Variants in ZRANB3 observed in about 807,000 individuals in gnomAD.
The protein encoded by ZRANB3 is zinc finger RANBP2-type containing 3, also known as DNA annealing helicase and endonuclease ZRANB3.
A neutral mutation model predicts 133.8 loss-of-function variants in ZRANB3; 125 were observed. The ratio of observed to expected loss-of-function variants is 0.93; its 90% CI spans 0.81 to 1.08. ZRANB3 has a LOEUF of 1.08. ZRANB3 is among the 50% of genes least tolerant of loss of function. ZRANB3 has a pLI of 0.00. For synonymous variants in ZRANB3, 387 were observed against 432.7 expected (o/e 0.89, Z 1.31); for missense variants, 1,229 against 1,275.5 (o/e 0.96, Z 0.56).
At chr2:135,265,195 C>T (rs772647574) in intron 12 of ZRANB3, among the ~76,000 whole-genome samples, 15 of 152,090 alleles carry the variant, frequency 9.9e-5, no homozygotes, top group African/African-American at 1.2e-4. Flanking sequence ...CCTGTGATTT[C>T]GATATACTCA....
chr2:135,332,250 C>T (rs1684180780), intron 6 of ZRANB3, among the ~76,000 whole-genome samples: 1 of 152,032 alleles, frequency 6.6e-6, no homozygotes, highest in Non-Finnish European at 1.5e-5. Flanking sequence ...CCAAAATCTA[C>T]CTCCCTATTA....
chr2:135,368,727 T>G (rs1463612783), intron 3 of ZRANB3, among the ~76,000 whole-genome samples: 1 of 151,954 alleles, frequency 6.6e-6, no homozygotes, highest in Non-Finnish European at 1.5e-5. Flanking sequence ...TATGCCTGTA[T>G]CAAAATATCT....
chr2:135,462,132 T>A (rs747397478), intron 2 of ZRANB3, among the ~76,000 whole-genome samples: 1 of 152,190 alleles, frequency 6.6e-6, no homozygotes, highest in Non-Finnish European at 1.5e-5. Flanking sequence ...ATATACACAT[T>A]CATACATATA....
chr2:135,306,569 G>C (rs983064244), intron 8 of ZRANB3, among the ~76,000 whole-genome samples: 17 of 147,550 alleles, frequency 1.2e-4, no homozygotes, highest in East Asian at 2.0e-4. Flanking sequence ...TGGGATTACA[G>C]GCATGAGCCA....
Position 135,207,562 on chromosome 2 carries a change from CA to C in ZRANB3, c.2880del (p.Glu961AsnfsTer10). ...NSYLRAKVFE[T>X]EHGVCQLCNV... is the part of the protein sequence containing the mutation. ...TTACAGAGCTGACACACACCATGTT[CA>C]GTTTCAAATACTTTGGCTCTCAGGT... is the stretch of plus-strand genomic sequence containing the variant. On this transcript the variant is annotated frameshift_variant, in exon 19 of 21. Transcript: ENST00000264159. LOFTEE classifies it high-confidence loss of function. 1 of 1,613,998 alleles carries C rather than the reference CA, an allele frequency of 6.2e-7. No homozygotes were observed. Among genetic ancestry groups the C allele is most frequent in the Non-Finnish European group, 8.5e-7 (1 of 1,179,894 alleles).
chr2:135,368,044 T>C (rs893025912), intron 3 of ZRANB3, among the ~76,000 whole-genome samples: 1 of 152,102 alleles, frequency 6.6e-6, no homozygotes, highest in Non-Finnish European at 1.5e-5. Context: ...GCACAGTCTG[T>C]CAATTATTAC....
intron 1 of ZRANB3, among the ~76,000 whole-genome samples, chr2:135,515,079 A>G (rs1366852507): frequency 6.6e-6 from 1 of 152,210 alleles, no homozygotes; most frequent in African/African-American, 2.4e-5. Context: ...TTCATCAGAA[A>G]TAATGGCCAG....
At chr2:135,306,284 ATTT>A (rs146132259) in intron 8 of ZRANB3, among the ~76,000 whole-genome samples, 7 of 123,938 alleles carry the variant, frequency 5.6e-5, no homozygotes, top group East Asian at 2.3e-4. Context: ...CATCTGACTG[ATTT>A]TTTTTTTTTT....
intron 6 of ZRANB3, among the ~76,000 whole-genome samples, chr2:135,321,163 C>A (rs1239664068): frequency 6.6e-6 from 1 of 152,092 alleles, no homozygotes; most frequent in Non-Finnish European, 1.5e-5. Context: ...TACTAAATAC[C>A]CAGCAGTAGG....
chr2:135,269,072 G>A lies in ZRANB3; in HGVS notation c.1276C>T (p.Gln426Ter). 1.2e-6 allele frequency: 2 copies of A among 1,612,868 alleles called. No individual in the cohort carries two copies. Among genetic ancestry groups the A allele is most frequent in the South Asian group, 1.1e-5 (1 of 90,998 alleles). Residue 426 changes from glutamine to a stop codon, truncating the protein, a stop_gained, in exon 11 of 21, where the codon CAA (glutamine) becomes TAA (stop). Coordinates refer to ENST00000264159, the MANE Select transcript of ZRANB3 (RefSeq NM_032143.4). LOFTEE classifies it high-confidence loss of function. ...ELYWDPGHIK[Q>*]AEDRAHRIGQ... ...ATTCTGTGAGCTCGGTCTTCTGCTT[G>A]TTTTATATGTCCAGGGTCCCAGTAC...
intron 2 of ZRANB3, among the ~76,000 whole-genome samples, chr2:135,429,257 C>T (rs1278131140): frequency 1.3e-5 from 2 of 152,036 alleles, no homozygotes; most frequent in Admixed American, 6.6e-5. Context: ...ACCTAGAGAC[C>T]GTTATCCTAA....
intron 1 of ZRANB3, among the ~76,000 whole-genome samples, chr2:135,526,386 A>C (rs1352542059): frequency 2.0e-5 from 3 of 150,980 alleles, no homozygotes; most frequent in Non-Finnish European, 3.0e-5. Flanking sequence ...CTGGTCTTGA[A>C]CTCCTGACCT....
chr2:135,305,772 A>C (rs1234217663), intron 8 of ZRANB3, among the ~76,000 whole-genome samples: 1 of 152,134 alleles, frequency 6.6e-6, no homozygotes, highest in Non-Finnish European at 1.5e-5. Flanking sequence ...TGTTCTAGTG[A>C]TGATAAATTC....
At chr2:135,346,018 A>G (rs1684905262) in intron 5 of ZRANB3, among the ~76,000 whole-genome samples, 2 of 152,224 alleles carry the variant, frequency 1.3e-5, no homozygotes, top group Non-Finnish European at 1.5e-5. Flanking sequence ...ATAGCAACCC[A>G]TTATGATGTA....
intron 3 of ZRANB3, among the ~76,000 whole-genome samples, chr2:135,381,252 G>A (rs901707575): frequency 2.6e-5 from 4 of 152,202 alleles, no homozygotes; most frequent in African/African-American, 9.6e-5. Context: ...CTAGCTGATT[G>A]CTAGCACAGC....
At position 135,382,208 on chromosome 2, in the gene ZRANB3, T is replaced by G. The variant is rs534626674; in HGVS notation, c.180+8594A>C. On this transcript the variant is annotated intron_variant, in intron 3 of 20. Coordinates refer to ENST00000264159, the MANE Select transcript of ZRANB3 (RefSeq NM_032143.4). ...CTACGTGACGAATGCACAAGCTTCA[T>G]TAGCCGATTCGATCAACTGGAAGAA... Among the ~76,000 whole-genome samples the G allele has an allele frequency of 2.2e-4, 33 of 152,208 alleles. No homozygotes were observed. The South Asian group carries it at 5.8e-3, about 27-fold the overall frequency.
intron 12 of ZRANB3, 106 bp from the exon 13 acceptor site, chr2:135,231,033 T>C: frequency 2.0e-6 from 2 of 986,056 alleles, no homozygotes; most frequent in Non-Finnish European, 2.8e-6. Context: ...TGCCTTATCC[T>C]TTAAATACCT....
intron 2 of ZRANB3, among the ~76,000 whole-genome samples, chr2:135,483,208 G>A (rs1226119800): frequency 2.0e-4 from 31 of 151,796 alleles, no homozygotes; most frequent in Admixed American, 2.0e-3. Context: ...GCTCCTCCTT[G>A]TACCTCTGGT....
rs141279611 is a variant in ZRANB3 at position 135,391,423 on chromosome 2, C to T, written c.162-603G>A. 5.9e-5 allele frequency among the ~76,000 whole-genome samples: 9 copies of T among 152,236 alleles called. No homozygotes were observed. The East Asian group carries it at 1.5e-3, about 26-fold the overall frequency. The stretch of plus-strand genomic sequence containing the variant: ...AAGTGGTAAGTGATTGTACCAATGA[C>T]CACCCTCCTCATCCTTAAACCTTAA... On this transcript the variant is annotated intron_variant, in intron 2 of 20. Coordinates refer to ENST00000264159, the MANE Select transcript of ZRANB3 (RefSeq NM_032143.4).
Sources: gnomAD v4.1 joint callset for allele counts (sites outside exome capture counted in the v4.1 genomes callset) on GRCh38, gnomAD v4.1.1 for gene constraint, MANE v1.5 for transcripts, NCBI Gene and HGNC (gene_info 2026-07-23, HGNC 2026-07-21) for gene names.